Variants in LRP2 observed in about 807,000 individuals in gnomAD.
The protein encoded by LRP2 is LDL receptor related protein 2.
LRP2 carries 172 observed loss-of-function variants against 531.0 expected under a neutral mutation model. The ratio of observed to expected loss-of-function variants is 0.32; its 90% CI spans 0.29 to 0.37. The LOEUF is 0.37. LRP2 is among the 10% of genes least tolerant of loss of function. The probability of loss-of-function intolerance (pLI) is 1.00; values close to 1 mark genes in which losing one functional copy is unlikely to be tolerated. For missense variants in LRP2, 5,167 were observed against 5,868.3 expected (o/e 0.88, Z 3.90); for synonymous variants, 1,992 against 2,027.6 (o/e 0.98, Z 0.47).
At chr2:169,330,852 T>TAAA (rs398042794) in intron 1 of LRP2, among the ~76,000 whole-genome samples, 1 of 143,878 alleles carries the variant, frequency 7.0e-6, no homozygotes, top group African/African-American at 2.5e-5. Context: ...AGAGATCATC[T>TAAA]AAAAAAAAAA....
At chr2:169,274,931 C>T in intron 14 of LRP2, 105 bp downstream of exon 14, 2 of 1,101,644 alleles carry the variant, frequency 1.8e-6, no homozygotes, top group Non-Finnish European at 2.7e-6. Flanking sequence ...CTTGAGAATG[C>T]CACCCAAATC....
At chr2:169,160,685 A>AAAAAAAAAAACAAAAAAAAAAAAC (rs1553487413) in intron 63 of LRP2, among the ~76,000 whole-genome samples, 2 of 94,234 alleles carry the variant, frequency 2.1e-5, no homozygotes, top group African/African-American at 9.1e-5. Context: ...ATTTCCTTAA[A>AAAAAAAAAAACAAAAAAAAAAAAC]AAAAAAAAAA....
chr2:169,240,711 T>G, intron 25 of LRP2: 1 of 566,900 alleles, frequency 1.8e-6, no homozygotes, highest in Non-Finnish European at 3.1e-6. Flanking sequence ...CCAAATTTAA[T>G]TTGACAATCT....
intron 4 of LRP2, among the ~76,000 whole-genome samples, chr2:169,304,320 G>C (rs549828272): frequency 2.6e-5 from 4 of 152,022 alleles, no homozygotes; most frequent in Admixed American, 1.3e-4. Context: ...ACCAGACTTG[G>C]AACTAGAAGA....
rs1315629464 is a variant in LRP2 at position 169,128,411 on chromosome 2, T to C, written c.*252A>G. 2 of 359,312 alleles carry C rather than the reference T, an allele frequency of 5.6e-6. No individual in the cohort carries two copies. The highest frequency in any genetic ancestry group is 6.5e-5 in the South Asian group (2 of 30,670). 22.3% of individuals were successfully genotyped at this position (359,312 alleles called of 1,614,324 possible). ...ATAATCTTTCCAAAATTTACAAATA[T>C]ACAATATATTTATAGTATTACCTTC... On this transcript the variant is annotated 3_prime_UTR_variant, in exon 79 of 79. Coordinates refer to ENST00000649046, the MANE Select transcript of LRP2 (RefSeq NM_004525.3).
chr2:169,152,661 C>T, intron 67 of LRP2, 138 bp downstream of exon 67: 1 of 926,818 alleles, frequency 1.1e-6, no homozygotes, highest in South Asian at 1.4e-5. Flanking sequence ...CTTCAGCAAG[C>T]CCAACCACTG....
intron 1 of LRP2, among the ~76,000 whole-genome samples, chr2:169,361,354 C>CTCTCTG (rs1273549794): frequency 0.024 from 2,369 of 98,602 alleles, 68 homozygotes; most frequent in Non-Finnish European, 0.031. Context: ...CTCTCTGTCT[C>CTCTCTG]TCTCTCTCTC....
Position 169,127,121 on chromosome 2 carries a change from C to T in LRP2, c.*1542G>A, listed in dbSNP as rs1173631132. 1.3e-5 allele frequency: 2 copies of T among 152,604 alleles called. No homozygotes were observed. The highest frequency in any genetic ancestry group is 2.4e-5 in the African/African-American group (1 of 41,448). The allele number at this position is 152,604 out of a possible 1,614,324, so 9.5% of individuals were successfully genotyped here. A position where few individuals can be genotyped will look rare whatever the true frequency, so the allele number is the denominator to read the frequency against. ...CACACAGAAAACATCTGATAAAATA[C>T]ACATTTATTAGAACTTTTTCAGCAG... On this transcript the variant is annotated 3_prime_UTR_variant, in exon 79 of 79. Transcript: ENST00000649046.
At chr2:169,287,315 A>T (rs1431350827) in intron 9 of LRP2, among the ~76,000 whole-genome samples, 1 of 152,194 alleles carries the variant, frequency 6.6e-6, no homozygotes, top group Non-Finnish European at 1.5e-5. Context: ...AAATTATTCC[A>T]GAGTTCACTT....
At position 169,128,386 on chromosome 2, in the gene LRP2, A is replaced by T. The variant is rs998387795; in HGVS notation, c.*277T>A. On this transcript the variant is annotated 3_prime_UTR_variant, in exon 79 of 79. Transcript: ENST00000649046. ...CTTTATTAGCAAATTCAGTAACAGG[A>T]TAATCTTTCCAAAATTTACAAATAT... 3.2e-6 allele frequency: 1 copy of T among 308,760 alleles called. No individual in the cohort carries two copies. The allele number at this position is 308,760 out of a possible 1,614,324, so 19.1% of individuals were successfully genotyped here.
intron 1 of LRP2, among the ~76,000 whole-genome samples, chr2:169,360,128 C>CAAAAAAAAA (rs67818940): frequency 3.5e-4 from 37 of 105,010 alleles, no homozygotes; most frequent in East Asian, 1.8e-3. Flanking sequence ...CTGTCTCTCT[C>CAAAAAAAAA]AAAAAAAAAA....
chr2:169,202,612 A>T, intron 43 of LRP2, 144 bp downstream of exon 43: 1 of 804,790 alleles, frequency 1.2e-6, no homozygotes, highest in Non-Finnish European at 2.1e-6. Context: ...AACAGTCTGG[A>T]TTATCAGAGG....
At chr2:169,288,922 C>A (rs1337945983) in intron 9 of LRP2, 104 bp downstream of exon 9, 5 of 1,565,278 alleles carry the variant, frequency 3.2e-6, no homozygotes, top group Non-Finnish European at 4.4e-6. Context: ...TTATGACAGA[C>A]CATGACGACT....
At position 169,280,538 on chromosome 2, in the gene LRP2, G is replaced by A; in HGVS notation, c.1172-19C>T. On this transcript the variant is annotated intron_variant, in intron 10 of 78. Coordinates refer to ENST00000649046, the MANE Select transcript of LRP2 (RefSeq NM_004525.3). ...TCGCCAACTAAATGCGAAGAAGGAA[G>A]GCATCACCACTCCTTCAGATGAGCA... is the stretch of plus-strand genomic sequence containing the variant. The A allele has an allele frequency of 1.2e-6, 2 of 1,612,876 alleles. No homozygotes were observed. The highest frequency in any genetic ancestry group is 2.2e-5 in the South Asian group (2 of 90,958).
intron 1 of LRP2, among the ~76,000 whole-genome samples, chr2:169,328,216 C>A (rs868718109): frequency 1.1e-4 from 14 of 122,730 alleles, no homozygotes; most frequent in East Asian, 2.6e-4. Flanking sequence ...GCCCGGCCAG[C>A]CGCCCCGTCC....
chr2:169,229,512 G>A (rs989335670), intron 31 of LRP2, among the ~76,000 whole-genome samples: 1 of 152,172 alleles, frequency 6.6e-6, no homozygotes, highest in Admixed American at 6.5e-5. Flanking sequence ...GACCGAGTCA[G>A]AAGTCTATTT....
chr2:169,176,048 A>C (rs1300478793), intron 54 of LRP2, among the ~76,000 whole-genome samples: 2 of 152,242 alleles, frequency 1.3e-5, no homozygotes, highest in African/African-American at 2.4e-5. Flanking sequence ...CTAAGGAGCT[A>C]GGCCGGCATA....
At chr2:169,187,464 A>G (rs999650996) in intron 49 of LRP2, among the ~76,000 whole-genome samples, 1 of 152,234 alleles carries the variant, frequency 6.6e-6, no homozygotes, top group Non-Finnish European at 1.5e-5. Context: ...AACAGGACGA[A>G]CTGCCAATAT....
In LRP2 at chr2:169,176,435, T is replaced by C. The variant is rs777051223; in HGVS notation, c.10547A>G (p.Gln3516Arg). The change falls in exon 54 of 79, where the codon CAG becomes CGG. Residue 3516 changes from glutamine to arginine, a missense_variant. Around this residue, in one of 6 missense-constraint regions of LRP2, gnomAD observed 311 missense variants for 309.4 expected, o/e 1.01. Transcript: ENST00000649046. ...TYCMPMCSST[Q>R]FLCANNEKCI... Reference sequence around the variant, plus strand: ...CTTTTCATTGTTAGCGCACAGGAACTGGGTGCTGGAGCACATGGGCATGCA... The same window carrying C: ...CTTTTCATTGTTAGCGCACAGGAACCGGGTGCTGGAGCACATGGGCATGCA... 144 of 1,614,062 alleles carry C rather than the reference T, an allele frequency of 8.9e-5. No homozygotes were observed. The highest frequency in any genetic ancestry group is 1.2e-4 in the Non-Finnish European group (138 of 1,180,032).
Sources: gnomAD v4.1 joint callset for allele counts (sites outside exome capture counted in the v4.1 genomes callset) on GRCh38, gnomAD v4.1.1 for gene constraint, gnomAD v4.1.1 regional missense constraint, MANE v1.5 for transcripts, NCBI Gene and HGNC (gene_info 2026-07-23, HGNC 2026-07-21) for gene names.